HYDIN: variants seen among roughly 807,000 people sequenced by gnomAD.
HYDIN encodes the protein axonemal central pair apparatus protein HYDIN.
In HYDIN, 132 loss-of-function variants were observed where a neutral mutation model predicts 403.9. The observed-to-expected ratio is 0.33, with a 90% CI of 0.28 to 0.38. HYDIN has a LOEUF of 0.38. HYDIN is among the 10% of genes least tolerant of loss of function. HYDIN has a pLI of 1.00. For synonymous variants in HYDIN, 1,202 were observed against 1,891.7 expected (o/e 0.64, Z 9.46); for missense variants, 2,827 against 5,009.5 (o/e 0.56, Z 13.15).
At chr16:70,817,276 C>T (rs1745398639) in intron 84 of HYDIN, 1 of 151,770 alleles carries the variant, frequency 6.6e-6, no homozygotes, top group Non-Finnish European at 1.5e-5. Context: ...CAATTACCTA[C>T]TAAAGTGAAA....
Position 71,011,582 on chromosome 16 carries a change from C to A in HYDIN, c.3644+6547G>T, listed in dbSNP as rs375465119. 1.1e-3 allele frequency among the ~76,000 whole-genome samples: 167 copies of A among 150,970 alleles called. 1 individual carries two copies. The highest frequency in any genetic ancestry group is 3.4e-3 in the Middle Eastern group (1 of 294). ...AAACAAACAAAAAACAACAAAAAAA[C>A]CAGAAATTAGCCAGGTATAATGGTG... is the stretch of plus-strand genomic sequence containing the variant. On this transcript the variant is annotated intron_variant, in intron 23 of 85. Coordinates refer to ENST00000393567, the MANE Select transcript of HYDIN (RefSeq NM_001270974.2).
Position 70,805,728 on chromosome 16 carries a change from T to C in HYDIN, c.*1852A>G, listed in dbSNP as rs1028678009. 6.6e-6 allele frequency among the ~76,000 whole-genome samples: 1 copy of C among 152,240 alleles called. No homozygotes were observed. Among genetic ancestry groups the C allele is most frequent in the Non-Finnish European group, 1.5e-5 (1 of 68,048 alleles). On this transcript the variant is annotated 3_prime_UTR_variant, in exon 86 of 86. Transcript: ENST00000393567. ...CTCACTTAACCATTGTGAAAATCTG[T>C]CATCTGGTTGTCTTTAGACCTATCA...
Position 71,051,006 on chromosome 16 carries a change from C to A in HYDIN, c.2529+9498G>T, listed in dbSNP as rs369087440. On this transcript the variant is annotated intron_variant, in intron 18 of 85. Transcript: ENST00000393567. ...AAGGATAACTCACATTCTAAGAATGCAGTATTTTTGGTATCAAAACCAGAG... is the reference window on the plus strand; with the variant it reads ...AAGGATAACTCACATTCTAAGAATGAAGTATTTTTGGTATCAAAACCAGAG... 2.6e-3 allele frequency among the ~76,000 whole-genome samples: 371 copies of A among 143,322 alleles called. 3 individuals carry two copies. The highest frequency in any genetic ancestry group is 9.0e-3 in the African/African-American group (344 of 38,394). The allele number at this position is 143,322 out of a possible 152,430, so 94.0% of individuals were successfully genotyped here.
chr16:70,922,994 C>T (rs1386579962), intron 45 of HYDIN, among the ~76,000 whole-genome samples: 5 of 152,008 alleles, frequency 3.3e-5, no homozygotes, highest in Admixed American at 3.3e-4. Context: ...TCTTGAACCC[C>T]TGAGTTCAAG....
At chr16:71,004,508 T>C (rs991538238) in intron 23 of HYDIN, among the ~76,000 whole-genome samples, 1 of 152,180 alleles carries the variant, frequency 6.6e-6, no homozygotes, top group African/African-American at 2.4e-5. Flanking sequence ...TGGGGTAGTA[T>C]AGTAAATTGA....
chr16:71,169,301 C>T (rs926932772), intron 5 of HYDIN, among the ~76,000 whole-genome samples: 8 of 152,006 alleles, frequency 5.3e-5, no homozygotes, highest in Non-Finnish European at 7.4e-5. Context: ...GGCATGGTGG[C>T]GGGTGCCTAT....
intron 1 of HYDIN, among the ~76,000 whole-genome samples, chr16:71,193,634 T>C (rs1296802530): frequency 6.6e-6 from 1 of 152,194 alleles, no homozygotes; most frequent in African/African-American, 2.4e-5. Context: ...GAGCTGAGTC[T>C]AAAAGAGTTC....
At position 70,807,414 on chromosome 16, in the gene HYDIN, A is replaced by C. The variant is rs1418224036; in HGVS notation, c.*166T>G. On this transcript the variant is annotated 3_prime_UTR_variant, in exon 86 of 86. Coordinates refer to ENST00000393567, the MANE Select transcript of HYDIN (RefSeq NM_001270974.2). Reference sequence around the variant, plus strand: ...AGTTATAATGTTTAATATGGAATAGATATTTCATATCTATATTTGGAAAAC... The same window carrying C: ...AGTTATAATGTTTAATATGGAATAGCTATTTCATATCTATATTTGGAAAAC... 1.6e-5 allele frequency: 11 copies of C among 695,402 alleles called. No homozygotes were observed. Among genetic ancestry groups the C allele is most frequent in the Non-Finnish European group, 1.9e-5 (8 of 427,046 alleles). The allele number at this position is 695,402 out of a possible 1,614,324, so 43.1% of individuals were successfully genotyped here.
At chr16:71,006,608 GCA>G (rs1355973348) in intron 23 of HYDIN, among the ~76,000 whole-genome samples, 1 of 151,944 alleles carries the variant, frequency 6.6e-6, no homozygotes, top group African/African-American at 2.4e-5. Flanking sequence ...CCCCTGTAGG[GCA>G]CAGTCTCAGG....
At chr16:70,908,936 T>G in intron 47 of HYDIN, 75 bp from the exon 48 acceptor site, 1 of 1,571,454 alleles carries the variant, frequency 6.4e-7, no homozygotes, top group South Asian at 1.2e-5. Context: ...GATGGCCACA[T>G]GTCTGTCATC....
At chr16:71,218,442 C>T (rs1187983409) in intron 1 of HYDIN, among the ~76,000 whole-genome samples, 3 of 152,162 alleles carry the variant, frequency 2.0e-5, no homozygotes, top group Non-Finnish European at 2.9e-5. Flanking sequence ...TTACGTGATT[C>T]TATTCAGTTT....
In HYDIN at chr16:71,105,159, A is replaced by T. The variant is rs548266162; in HGVS notation, c.1327+10537T>A. Among the ~76,000 whole-genome samples, 184 of 152,194 alleles carry T rather than the reference A, an allele frequency of 1.2e-3. 3 individuals are homozygous for T. The highest frequency in any genetic ancestry group is 4.3e-3 in the African/African-American group (177 of 41,570). ...AAAAAGCCAAGTCAATGAATTAAAA[A>T]CTGAACAGATGAATACACTGAAGAG... On this transcript the variant is annotated intron_variant, in intron 10 of 85. Transcript: ENST00000393567.
intron 1 of HYDIN, among the ~76,000 whole-genome samples, chr16:71,213,236 A>G (rs1345929779): frequency 6.6e-6 from 1 of 152,164 alleles, no homozygotes; most frequent in East Asian, 1.9e-4. Flanking sequence ...CTAAGAGGCA[A>G]GAAGAAATGG....
chr16:71,031,199 CAAAAAA>C (rs376968331), intron 19 of HYDIN, among the ~76,000 whole-genome samples: 1 of 25,170 alleles, frequency 4.0e-5, no homozygotes, highest in Non-Finnish European at 8.2e-5. Flanking sequence ...GACTCCATCT[CAAAAAA>C]AAAAAAAAAA....
intron 45 of HYDIN, among the ~76,000 whole-genome samples, chr16:70,926,325 A>G (rs1195358836): frequency 1.3e-5 from 2 of 152,128 alleles, no homozygotes; most frequent in African/African-American, 4.8e-5. Flanking sequence ...CATGGATGAA[A>G]TTGGAAATCA....
intron 1 of HYDIN, among the ~76,000 whole-genome samples, chr16:71,210,824 T>C (rs946984407): frequency 1.3e-5 from 2 of 152,106 alleles, no homozygotes; most frequent in African/African-American, 4.8e-5. Context: ...TAAATGCAAC[T>C]GTATTGATTT....
At chr16:71,007,437 A>T (rs1264649418) in intron 23 of HYDIN, among the ~76,000 whole-genome samples, 1 of 152,100 alleles carries the variant, frequency 6.6e-6, no homozygotes, top group Non-Finnish European at 1.5e-5. Flanking sequence ...TATACAGAAA[A>T]ATTGGGCTTT....
At position 70,970,488 on chromosome 16, in the gene HYDIN, T is replaced by C; in HGVS notation, c.5619+32A>G. The C allele has an allele frequency of 2.5e-6, 4 of 1,605,472 alleles. No homozygotes were observed. In the South Asian group the frequency reaches 3.3e-5, roughly 13 times the overall value. ...TCAAGGGGAAAAAGATGGGAACGTG[T>C]AGAAAAACAGTTTGGTTTGACCTCT... On this transcript the variant is annotated intron_variant, in intron 36 of 85. Coordinates refer to ENST00000393567, the MANE Select transcript of HYDIN (RefSeq NM_001270974.2).
intron 9 of HYDIN, among the ~76,000 whole-genome samples, chr16:71,118,149 C>T (rs2084115600): frequency 6.6e-6 from 1 of 152,200 alleles, no homozygotes; most frequent in African/African-American, 2.4e-5. Flanking sequence ...TATCATCCCA[C>T]TAAGGTTTGA....
Sources: gnomAD v4.1 joint callset for allele counts (sites outside exome capture counted in the v4.1 genomes callset) on GRCh38, gnomAD v4.1.1 for gene constraint, MANE v1.5 for transcripts, NCBI Gene and HGNC (gene_info 2026-07-23, HGNC 2026-07-21) for gene names.